PCDHGA4: variants seen among roughly 807,000 people sequenced by gnomAD.
PCDHGA4 encodes the protein protocadherin gamma subfamily A, 4.
In PCDHGA4, 38 loss-of-function variants were observed where a neutral mutation model predicts 54.6. The observed-to-expected ratio is 0.70, with a 90% CI of 0.54 to 0.91. The LOEUF is 0.91. Among genes scored for constraint, PCDHGA4 ranks in the 40% least tolerant of loss-of-function variants. PCDHGA4 has a pLI of 0.00. For synonymous variants in PCDHGA4, 511 were observed against 512.9 expected (o/e 1.00, Z 0.05); for missense variants, 1,298 against 1,220.9 (o/e 1.06, Z -0.94).
rs749832081 is a variant in PCDHGA4, at chr5:141,360,505, C to G, written c.2514+2884C>G. On this transcript the variant is annotated intron_variant, in intron 1 of 3. Coordinates refer to ENST00000571252, the MANE Select transcript of PCDHGA4 (RefSeq NM_018917.4). ...TATTTTCTACATAGCAGTAATTGTG[C>G]AGGATATAAATGATAATACCCCGCT... 5 of 1,613,778 alleles carry G rather than the reference C, an allele frequency of 3.1e-6. No individual in the cohort carries two copies. The Admixed American group carries it at 8.3e-5, about 27-fold the overall frequency.
At chr5:141,370,746 C>A in intron 1 of PCDHGA4, 1 of 1,613,906 alleles carries the variant, frequency 6.2e-7, no homozygotes, top group Non-Finnish European at 8.5e-7. Context: ...AAACTTTTTT[C>A]ATGTAACTGT....
intron 1 of PCDHGA4, chr5:141,383,280 T>C (rs1180064294): frequency 6.2e-7 from 1 of 1,613,786 alleles, no homozygotes; most frequent in Non-Finnish European, 8.5e-7. Context: ...TAGATATTAA[T>C]GACAACGTTC....
At chr5:141,507,862 G>A (rs17286954) in intron 3 of PCDHGA4, among the ~76,000 whole-genome samples, 4 of 152,076 alleles carry the variant, frequency 2.6e-5, no homozygotes, top group African/African-American at 7.2e-5. Flanking sequence ...TTTCACACCC[G>A]CTTCCTAGCC....
intron 1 of PCDHGA4, chr5:141,394,481 T>G (rs766569646): frequency 6.2e-7 from 1 of 1,614,206 alleles, no homozygotes; most frequent in African/African-American, 1.3e-5. Flanking sequence ...TGGACCAGAA[T>G]GACAACGCGC....
At chr5:141,467,214 G>A (rs1333148694) in intron 1 of PCDHGA4, among the ~76,000 whole-genome samples, 1 of 151,856 alleles carries the variant, frequency 6.6e-6, no homozygotes, top group Admixed American at 6.6e-5. Context: ...CACCATGCCT[G>A]GCTAATTTTT....
intron 1 of PCDHGA4, chr5:141,393,455 C>T (rs1007871650): frequency 2.1e-5 from 34 of 1,613,942 alleles, no homozygotes; most frequent in Non-Finnish European, 2.9e-5. Flanking sequence ...TCCTCACGGC[C>T]TCGGATGGCG....
chr5:141,373,163 A>G (rs1171278735), intron 1 of PCDHGA4, among the ~76,000 whole-genome samples: 1 of 152,252 alleles, frequency 6.6e-6, no homozygotes, highest in Non-Finnish European at 1.5e-5. Context: ...GTTTTAATGC[A>G]GTCAATCCTA....
At position 141,489,754 on chromosome 5, in the gene PCDHGA4, C is replaced by G; in HGVS notation, c.2515-5053C>G. 1 of 1,614,110 alleles carries G rather than the reference C, an allele frequency of 6.2e-7. No homozygotes were observed. The highest frequency in any genetic ancestry group is 8.5e-7 in the Non-Finnish European group (1 of 1,179,972). ...CACCAATACTGTGAGCTTTTACACT[C>G]TAAGCCCCAACAGCCACTTCTCTCT... On this transcript the variant is annotated intron_variant, in intron 1 of 3. Coordinates refer to ENST00000571252, the MANE Select transcript of PCDHGA4 (RefSeq NM_018917.4). The surrounding 1 kb of genome is among the most constrained non-coding windows in gnomAD (Gnocchi z 4.5).
In PCDHGA4 at chr5:141,509,418, A is replaced by G. The variant is rs767758113; in HGVS notation, c.2663-1529A>G. Among the ~76,000 whole-genome samples the G allele has an allele frequency of 2.6e-5, 4 of 152,188 alleles. No individual in the cohort carries two copies. The South Asian group carries it at 6.2e-4, about 24-fold the overall frequency. ...TCAGGGCCTCCAGCAGCGAGCCCCA[A>G]TGAGTCAAACTCTTGTTTCCTCCTC... On this transcript the variant is annotated intron_variant, in intron 3 of 3. Transcript: ENST00000571252.
intron 1 of PCDHGA4, chr5:141,370,801 A>G: frequency 6.2e-7 from 1 of 1,614,036 alleles, no homozygotes; most frequent in Non-Finnish European, 8.5e-7. Flanking sequence ...TTTAGCCAAA[A>G]TATCACTGAG....
chr5:141,473,237 A>C (rs2099317600), intron 1 of PCDHGA4, among the ~76,000 whole-genome samples: 1 of 152,194 alleles, frequency 6.6e-6, no homozygotes, highest in African/African-American at 2.4e-5. Context: ...GATCCACACA[A>C]GTGAATACAT....
chr5:141,421,879 G>T (rs1458461652), intron 1 of PCDHGA4: 1 of 1,613,746 alleles, frequency 6.2e-7, no homozygotes, highest in Non-Finnish European at 8.5e-7. Context: ...AGCTTTAGAT[G>T]GAGGCGATCC....
chr5:141,504,949 G>A (rs1234166109), intron 2 of PCDHGA4, among the ~76,000 whole-genome samples: 5 of 152,098 alleles, frequency 3.3e-5, no homozygotes, highest in Non-Finnish European at 1.5e-5. Context: ...AATGCACTAT[G>A]TTCAATGCAT....
intron 1 of PCDHGA4, chr5:141,422,637 C>T (rs980166515): frequency 8.7e-5 from 141 of 1,612,568 alleles, no homozygotes; most frequent in Non-Finnish European, 1.2e-4. Flanking sequence ...CCAGGGGTGC[C>T]TCCATCTTCT....
Position 141,425,378 on chromosome 5 carries a change from C to T in PCDHGA4, c.2514+67757C>T, listed in dbSNP as rs372445707. Among the ~76,000 whole-genome samples the T allele has an allele frequency of 1.6e-4, 25 of 152,174 alleles. 1 individual carries two copies. The highest frequency in any genetic ancestry group is 3.9e-4 in the African/African-American group (16 of 41,522). On this transcript the variant is annotated intron_variant, in intron 1 of 3. Transcript: ENST00000571252. ...TGATATTAAGAGGGTTATGTTGATTCGGAGGTAGTGATAAAGTTCTGTTAA... is the reference window on the plus strand; with the variant it reads ...TGATATTAAGAGGGTTATGTTGATTTGGAGGTAGTGATAAAGTTCTGTTAA...
Position 141,486,087 on chromosome 5 carries a change from T to G in PCDHGA4, c.2515-8720T>G. 4 of 1,614,176 alleles carry G rather than the reference T, an allele frequency of 2.5e-6. No individual in the cohort carries two copies. The highest frequency in any genetic ancestry group is 3.4e-6 in the Non-Finnish European group (4 of 1,180,028). ...CCCACTACTGGAAAGCTTACTCTTT[T>G]GGGGCCCCTAGACTTTGAGAGTGAG... On this transcript the variant is annotated intron_variant, in intron 1 of 3. Coordinates refer to ENST00000571252, the MANE Select transcript of PCDHGA4 (RefSeq NM_018917.4). This position sits in a 1 kb window ranked among gnomAD's most constrained non-coding sequence, Gnocchi z 5.0.
intron 1 of PCDHGA4, chr5:141,370,780 AC>A: frequency 6.2e-7 from 1 of 1,613,990 alleles, no homozygotes; most frequent in Non-Finnish European, 8.5e-7. Context: ...ATTAACGACA[AC>A]CCACCGACCT....
rs374229757 is a variant in PCDHGA4, at chr5:141,491,437, C to T, written c.2515-3370C>T. 4 of 1,613,978 alleles carry T rather than the reference C, an allele frequency of 2.5e-6. No homozygotes were observed. Among genetic ancestry groups the T allele is most frequent in the Admixed American group, 3.3e-5 (2 of 60,004 alleles). ...CGGGGGTGGAGGGCAGTGCTGCAGG[C>T]GCCAGGACTCACCCTCCCCGGACTT... On this transcript the variant is annotated intron_variant, in intron 1 of 3. Coordinates refer to ENST00000571252, the MANE Select transcript of PCDHGA4 (RefSeq NM_018917.4). This position sits in a 1 kb window ranked among gnomAD's most constrained non-coding sequence, Gnocchi z 6.9.
In PCDHGA4 at chr5:141,357,420, T is replaced by G. The variant is rs754113080; in HGVS notation, c.2313T>G (p.Phe771Leu). 1.9e-6 allele frequency: 3 copies of G among 1,614,132 alleles called. No individual in the cohort carries two copies. The highest frequency in any genetic ancestry group is 1.3e-5 in the African/African-American group (1 of 74,956). Residue 771 changes from phenylalanine to leucine, a missense_variant, in exon 1 of 4, where the codon TTT becomes TTG. Physicochemically the swap from Phe to Leu is conservative, Grantham distance 22. Transcript: ENST00000571252. The part of the protein sequence containing the change: ...SRLAGVPASH[F>L]VGVDGVRAFL... ...TGGCAGGTGTGCCTGCCTCGCACTTTGTGGGCGTGGACGGGGTTCGGGCTT... is the reference window on the plus strand; with the variant it reads ...TGGCAGGTGTGCCTGCCTCGCACTTGGTGGGCGTGGACGGGGTTCGGGCTT...
Sources: gnomAD v4.1 joint callset for allele counts (sites outside exome capture counted in the v4.1 genomes callset) on GRCh38, gnomAD v4.1.1 for gene constraint, Gnocchi (gnomAD v3.1) non-coding constraint, MANE v1.5 for transcripts, NCBI Gene and HGNC (gene_info 2026-07-23, HGNC 2026-07-21) for gene names.